The following SDK1 variants were observed in gnomAD, a reference collection of about 807,000 sequenced individuals.
SDK1 encodes the protein sidekick cell adhesion molecule 1, also known as protein sidekick-1.
In SDK1, 157 loss-of-function variants were observed where a neutral mutation model predicts 245.5. The observed-to-expected ratio is 0.64, with a 90% CI of 0.56 to 0.73. The LOEUF is 0.73. Ranked by LOEUF, SDK1 falls within the 30% of genes least tolerant of loss-of-function variation. SDK1 has a pLI of 0.00. For missense variants in SDK1, 3,583 were observed against 3,002.3 expected (o/e 1.19, Z -4.52); for synonymous variants, 1,647 against 1,278.5 (o/e 1.29, Z -6.15).
At chr7:3,849,727 A>G (rs1780372641) in intron 5 of SDK1, among the ~76,000 whole-genome samples, 1 of 152,172 alleles carries the variant, frequency 6.6e-6, no homozygotes, top group African/African-American at 2.4e-5. Context: ...ATAGCTGGCC[A>G]TTGCCTGTGT....
chr7:3,566,311 C>G (rs376094583), intron 1 of SDK1, among the ~76,000 whole-genome samples: 10 of 150,794 alleles, frequency 6.6e-5, no homozygotes, highest in African/African-American at 2.4e-4. Flanking sequence ...TGCAAGCTCC[C>G]CCTCCCAGGT....
At chr7:3,590,324 T>C (rs1780828010) in intron 1 of SDK1, among the ~76,000 whole-genome samples, 1 of 141,314 alleles carries the variant, frequency 7.1e-6, no homozygotes, top group African/African-American at 2.6e-5. Context: ...TTTTTTTTGC[T>C]TTGAAGTGTG....
chr7:3,945,330 G>C (rs2128123020), intron 5 of SDK1, among the ~76,000 whole-genome samples: 1 of 152,224 alleles, frequency 6.6e-6, no homozygotes, highest in East Asian at 1.9e-4. Context: ...ACATCTCCTG[G>C]TTCATTCATA....
chr7:4,200,182 G>T (rs1266540334), intron 35 of SDK1, among the ~76,000 whole-genome samples: 1 of 152,176 alleles, frequency 6.6e-6, no homozygotes, highest in East Asian at 1.9e-4. Flanking sequence ...CTGGGTGTGT[G>T]TAAAGACATG....
chr7:3,688,075 C>G (rs1303722648), intron 4 of SDK1, among the ~76,000 whole-genome samples: 1 of 152,164 alleles, frequency 6.6e-6, no homozygotes, highest in Non-Finnish European at 1.5e-5. Context: ...TTAGGGAAGC[C>G]AGTGTACTAA....
At chr7:3,958,575 C>G (rs563616871) in intron 7 of SDK1, among the ~76,000 whole-genome samples, 1 of 152,160 alleles carries the variant, frequency 6.6e-6, no homozygotes, top group Non-Finnish European at 1.5e-5. Flanking sequence ...TTCACGAGCT[C>G]GTGTTTAGTT....
intron 4 of SDK1, among the ~76,000 whole-genome samples, chr7:3,782,913 A>G (rs1264197791): frequency 6.6e-6 from 1 of 152,234 alleles, no homozygotes; most frequent in Non-Finnish European, 1.5e-5. Flanking sequence ...AAACAAGAAC[A>G]TTATAAGAAA....
intron 5 of SDK1, among the ~76,000 whole-genome samples, chr7:3,905,337 G>A (rs896896478): frequency 1.3e-5 from 2 of 152,122 alleles, no homozygotes; most frequent in African/African-American, 4.8e-5. Flanking sequence ...TGGAGGTAAT[G>A]TTACTCTCAT....
At chr7:4,124,025 G>A (rs562682524) in intron 25 of SDK1, among the ~76,000 whole-genome samples, 4 of 152,302 alleles carry the variant, frequency 2.6e-5, no homozygotes, top group Non-Finnish European at 4.4e-5. Context: ...ACTGACTCGC[G>A]TCCTGAGGCT....
chr7:3,952,414 C>A (rs910153566), intron 7 of SDK1, among the ~76,000 whole-genome samples: 3 of 152,092 alleles, frequency 2.0e-5, no homozygotes, highest in African/African-American at 7.2e-5. Context: ...TCCCGCCCGT[C>A]TCTACTAAAA....
chr7:3,738,906 A>G (rs1779397058), intron 4 of SDK1, among the ~76,000 whole-genome samples: 1 of 151,962 alleles, frequency 6.6e-6, no homozygotes, highest in Admixed American at 6.5e-5. Context: ...TGTTTATTCT[A>G]ACAGGTTTTT....
At chr7:3,880,441 G>C (rs892438091) in intron 5 of SDK1, among the ~76,000 whole-genome samples, 1 of 152,068 alleles carries the variant, frequency 6.6e-6, no homozygotes, top group Non-Finnish European at 1.5e-5. Context: ...GCAGGAGCCC[G>C]GCCCGCGGCG....
chr7:3,673,654 G>T (rs895881579), intron 4 of SDK1, among the ~76,000 whole-genome samples: 1 of 152,086 alleles, frequency 6.6e-6, no homozygotes, highest in East Asian at 1.9e-4. Context: ...AATGCATTAG[G>T]TAGTTTCGTC....
intron 1 of SDK1, among the ~76,000 whole-genome samples, chr7:3,446,566 G>A (rs1315591133): frequency 6.6e-6 from 1 of 152,124 alleles, no homozygotes; most frequent in Admixed American, 6.6e-5. Context: ...CATGCTAAAT[G>A]TTTTGGATCA....
chr7:4,155,563 G>C (rs996051385), intron 30 of SDK1, among the ~76,000 whole-genome samples: 1 of 152,244 alleles, frequency 6.6e-6, no homozygotes. Context: ...TATAATTACA[G>C]TTCAATGCCA....
At chr7:4,223,646 C>A (rs1364114850) in intron 40 of SDK1, among the ~76,000 whole-genome samples, 1 of 152,214 alleles carries the variant, frequency 6.6e-6, no homozygotes, top group South Asian at 2.1e-4. Context: ...GGGACCCACT[C>A]TACTCCGGCA....
chr7:3,328,565 C>T (rs4607498), intron 1 of SDK1, among the ~76,000 whole-genome samples: 92,584 of 151,852 alleles, frequency 0.61, 29,581 homozygotes, highest in African/African-American at 0.82. Context: ...AAATGTATTA[C>T]ATAAAAGTCT....
chr7:3,496,769 T>C lies in SDK1; in HGVS notation c.299-122311T>C, dbSNP rs146950011. Among the ~76,000 whole-genome samples the C allele has an allele frequency of 5.9e-3, 896 of 152,330 alleles. 13 individuals carry two copies. The highest frequency in any genetic ancestry group is 0.02 in the African/African-American group (847 of 41,566). On this transcript the variant is annotated intron_variant, in intron 1 of 44. Transcript: ENST00000404826. Reference sequence around the variant, plus strand: ...ATTCTGAAAGCATAAAACGTGCCATTGGTTAATCAATTTAGTCTAGTGGAG... The same window carrying C: ...ATTCTGAAAGCATAAAACGTGCCATCGGTTAATCAATTTAGTCTAGTGGAG...
At chr7:3,426,136 A>G (rs746083748) in intron 1 of SDK1, among the ~76,000 whole-genome samples, 1 of 152,174 alleles carries the variant, frequency 6.6e-6, no homozygotes, top group Non-Finnish European at 1.5e-5. Flanking sequence ...TGGTCAGGAG[A>G]TAAGCAGTTG....
Sources: allele counts gnomAD v4.1 joint callset (sites outside exome capture counted in the v4.1 genomes callset), GRCh38; gene constraint gnomAD v4.1.1; transcripts MANE v1.5; gene names NCBI Gene and HGNC (gene_info 2026-07-23, HGNC 2026-07-21).